The following HS6ST3 variants were observed in gnomAD, a reference collection of about 807,000 sequenced individuals.
HS6ST3 encodes the protein heparan-sulfate 6-O-sulfotransferase 3.
In HS6ST3, 12 loss-of-function variants were observed where a neutral mutation model predicts 36.7. The ratio of observed to expected loss-of-function variants is 0.33; its 90% CI spans 0.21 to 0.53. The LOEUF is 0.53. Among genes scored for constraint, HS6ST3 ranks in the 20% least tolerant of loss-of-function variants. The probability of loss-of-function intolerance (pLI) is 0.95; values close to 1 mark genes in which losing one functional copy is unlikely to be tolerated. For synonymous variants in HS6ST3, 240 were observed against 257.5 expected, an observed-to-expected ratio of 0.93 and a Z score of 0.65; for missense variants, 584 against 640.9, an observed-to-expected ratio of 0.91 and a Z score of 0.96.
intron 1 of HS6ST3, among the ~76,000 whole-genome samples, chr13:96,322,720 T>G (rs1470337254): frequency 6.6e-6 from 1 of 152,214 alleles, no homozygotes; most frequent in East Asian, 1.9e-4. Flanking sequence ...AAGAATCTAC[T>G]GTCTCCGTTC....
chr13:96,239,014 C>T (rs1004250240), intron 1 of HS6ST3, among the ~76,000 whole-genome samples: 7 of 152,224 alleles, frequency 4.6e-5, no homozygotes, highest in Non-Finnish European at 8.8e-5. Context: ...TATCTTCTCA[C>T]GGATGGGGAA....
intron 1 of HS6ST3, among the ~76,000 whole-genome samples, chr13:96,474,583 G>A (rs1468540922): frequency 6.7e-6 from 1 of 148,290 alleles, no homozygotes; most frequent in African/African-American, 2.5e-5. Context: ...TATAGCATTT[G>A]CTATACAGTA....
intron 1 of HS6ST3, among the ~76,000 whole-genome samples, chr13:96,720,500 A>C (rs912159099): frequency 6.6e-6 from 1 of 152,156 alleles, no homozygotes; most frequent in African/African-American, 2.4e-5. Flanking sequence ...TCGGAAAAAA[A>C]AATGAAGAGA....
intron 1 of HS6ST3, among the ~76,000 whole-genome samples, chr13:96,707,765 A>G (rs1055237197): frequency 7.9e-5 from 12 of 152,220 alleles, no homozygotes; most frequent in Admixed American, 3.9e-4. Context: ...TCTCATGTAC[A>G]TGTAGAAAGA....
intron 1 of HS6ST3, among the ~76,000 whole-genome samples, chr13:96,482,619 G>A (rs2055895204): frequency 6.6e-6 from 1 of 152,010 alleles, no homozygotes; most frequent in African/African-American, 2.4e-5. Flanking sequence ...ATCTTTCTAG[G>A]CCCTGACCAG....
intron 1 of HS6ST3, among the ~76,000 whole-genome samples, chr13:96,369,813 G>A (rs2041486678): frequency 6.6e-6 from 1 of 152,114 alleles, no homozygotes; most frequent in Admixed American, 6.5e-5. Flanking sequence ...TATTCACCTG[G>A]AGAAAATTCG....
chr13:96,266,469 A>G (rs1273287464), intron 1 of HS6ST3, among the ~76,000 whole-genome samples: 3 of 152,218 alleles, frequency 2.0e-5, no homozygotes, highest in African/African-American at 7.2e-5. Flanking sequence ...CACTTTACAC[A>G]GTAGATATGT....
At chr13:96,235,173 A>G (rs2054528349) in intron 1 of HS6ST3, among the ~76,000 whole-genome samples, 1 of 152,206 alleles carries the variant, frequency 6.6e-6, no homozygotes, top group Non-Finnish European at 1.5e-5. Context: ...GTAGTTTCCC[A>G]TAGTTCGTAT....
intron 1 of HS6ST3, among the ~76,000 whole-genome samples, chr13:96,338,045 T>A (rs1415143689): frequency 6.6e-6 from 1 of 152,134 alleles, no homozygotes; most frequent in Non-Finnish European, 1.5e-5. Flanking sequence ...TACTTTCTTA[T>A]CTCTCTGAGG....
intron 1 of HS6ST3, among the ~76,000 whole-genome samples, chr13:96,363,483 A>T (rs2139436937): frequency 6.6e-6 from 1 of 152,306 alleles, no homozygotes; most frequent in East Asian, 1.9e-4. Flanking sequence ...GCAGGCAGCT[A>T]ACTTTCTCTA....
intron 1 of HS6ST3, among the ~76,000 whole-genome samples, chr13:96,161,471 G>A (rs1300119190): frequency 6.6e-6 from 1 of 152,124 alleles, no homozygotes; most frequent in Non-Finnish European, 1.5e-5. Context: ...TGAGAAATAG[G>A]TTGGAAAAAT....
In HS6ST3 at chr13:96,806,036, G is replaced by C. The variant is rs949590285; in HGVS notation, c.708-26454G>C. On this transcript the variant is annotated intron_variant, in intron 1 of 1. Transcript: ENST00000376705. ...GAATCTTCCTCAAATTCTATTTCAG[G>C]GTTTTTATTAAGTATTTATGCACCC... Among the ~76,000 whole-genome samples, 5 of 152,172 alleles carry C rather than the reference G, an allele frequency of 3.3e-5. No individual in the cohort carries two copies. The East Asian group carries it at 5.8e-4, about 18-fold the overall frequency.
chr13:96,468,624 A>G (rs2055826031), intron 1 of HS6ST3, among the ~76,000 whole-genome samples: 1 of 152,152 alleles, frequency 6.6e-6, no homozygotes, highest in African/African-American at 2.4e-5. Context: ...TCCCACTGCA[A>G]GTTTAAGTCC....
chr13:96,751,219 C>A (rs11842256), intron 1 of HS6ST3, among the ~76,000 whole-genome samples: 236 of 152,184 alleles, frequency 1.6e-3, no homozygotes, highest in African/African-American at 5.3e-3. Flanking sequence ...GAAATAGGGT[C>A]ATTTCAGAGG....
In HS6ST3 at chr13:96,227,533, A is replaced by G. The variant is rs553647004; in HGVS notation, c.707+135964A>G. On this transcript the variant is annotated intron_variant, in intron 1 of 1. Coordinates refer to ENST00000376705, the MANE Select transcript of HS6ST3 (RefSeq NM_153456.4). ...CTGGCTTTAACTTGCATTTATTCAC[A>G]TGGTTGCAGGAGACAAAGGTAGCTA... Among the ~76,000 whole-genome samples, 16 of 152,318 alleles carry G rather than the reference A, an allele frequency of 1.1e-4. No homozygotes were observed. The South Asian group carries it at 3.3e-3, about 32-fold the overall frequency.
chr13:96,788,742 C>T (rs1877713818), intron 1 of HS6ST3, among the ~76,000 whole-genome samples: 1 of 151,744 alleles, frequency 6.6e-6, no homozygotes, highest in African/African-American at 2.4e-5. Context: ...TATTATGAGT[C>T]CTTGGTGAAT....
chr13:96,775,880 A>C (rs1287079638), intron 1 of HS6ST3, among the ~76,000 whole-genome samples: 2 of 152,214 alleles, frequency 1.3e-5, no homozygotes, highest in Non-Finnish European at 2.9e-5. Context: ...AAATCAAATG[A>C]GTATACATTC....
intron 1 of HS6ST3, among the ~76,000 whole-genome samples, chr13:96,196,756 C>T (rs2054316336): frequency 1.3e-5 from 2 of 152,226 alleles, no homozygotes; most frequent in Admixed American, 6.5e-5. Context: ...TGAAGAGACT[C>T]ACCAGTGACA....
intron 1 of HS6ST3, among the ~76,000 whole-genome samples, chr13:96,468,033 G>T (rs1451124990): frequency 6.6e-6 from 1 of 152,104 alleles, no homozygotes; most frequent in Admixed American, 6.6e-5. Flanking sequence ...ATCCTGGGGG[G>T]AAGTATTCAG....
Sources: allele counts gnomAD v4.1 joint callset (sites outside exome capture counted in the v4.1 genomes callset), GRCh38; gene constraint gnomAD v4.1.1; transcripts MANE v1.5; gene names NCBI Gene and HGNC (gene_info 2026-07-23, HGNC 2026-07-21).